The following TFEC variants were observed in gnomAD, a reference collection of about 807,000 sequenced individuals.
TFEC encodes transcription factor EC, also known as class E basic helix-loop-helix protein 34.
Under a neutral mutation model 41.6 loss-of-function variants are expected in TFEC, and 31 were observed. The observed-to-expected ratio is 0.74, with a 90% CI of 0.56 to 1.01. The LOEUF (loss-of-function observed/expected upper bound fraction) is 1.01. Among genes scored for constraint, TFEC ranks in the 50% least tolerant of loss-of-function variants. TFEC has a pLI of 0.00. For synonymous variants in TFEC, 143 were observed against 140.6 expected (o/e 1.02, Z -0.12); for missense variants, 402 against 404.1 (o/e 0.99, Z 0.04).
intron 3 of TFEC, among the ~76,000 whole-genome samples, chr7:116,055,305 T>C (rs549362066): frequency 6.6e-6 from 1 of 152,214 alleles, no homozygotes; most frequent in Admixed American, 6.5e-5. Flanking sequence ...TTGGAACCAA[T>C]ACTGTAAAAA....
chr7:116,036,994 A>T (rs1795926664), intron 3 of TFEC, among the ~76,000 whole-genome samples: 1 of 152,130 alleles, frequency 6.6e-6, no homozygotes, highest in Admixed American at 6.6e-5. Context: ...ATGCAGAAAC[A>T]AATGTTATTT....
intron 4 of TFEC, 100 bp downstream of exon 4, chr7:115,956,579 T>A (rs985211600): frequency 2.1e-5 from 13 of 620,606 alleles, no homozygotes; most frequent in Non-Finnish European, 2.9e-5. Context: ...TTGTAACTGT[T>A]TTGTTATACT....
At chr7:116,016,595 T>G (rs1173916143) in intron 1 of TFEC, among the ~76,000 whole-genome samples, 1 of 152,120 alleles carries the variant, frequency 6.6e-6, no homozygotes, top group African/African-American at 2.4e-5. Flanking sequence ...TAAAATACTA[T>G]GTACATGCTA....
upstream of TFEC, among the ~76,000 whole-genome samples, chr7:116,033,705 C>T (rs1795841458): frequency 6.6e-6 from 1 of 152,112 alleles, no homozygotes; most frequent in Admixed American, 6.6e-5. Context: ...CAATGCCCTC[C>T]TCTCACCTGT....
intron 1 of TFEC, among the ~76,000 whole-genome samples, chr7:116,010,267 A>G (rs1794951195): frequency 6.6e-6 from 1 of 152,198 alleles, no homozygotes; most frequent in Non-Finnish European, 1.5e-5. Flanking sequence ...ATTCAGATAA[A>G]TGCTGAAGAG....
At chr7:116,152,052 C>T (rs1798773300) in intron 1 of TFEC, among the ~76,000 whole-genome samples, 1 of 151,970 alleles carries the variant, frequency 6.6e-6, no homozygotes, top group Non-Finnish European at 1.5e-5. Flanking sequence ...CTCATCTCTC[C>T]AAGTACACCT....
At chr7:116,134,382 T>C (rs976034294) in intron 1 of TFEC, among the ~76,000 whole-genome samples, 57 of 152,254 alleles carry the variant, frequency 3.7e-4, no homozygotes, top group African/African-American at 1.3e-3. Flanking sequence ...ATACCATATA[T>C]TGCTGCTTCT....
chr7:116,088,236 A>G (rs1797244943), intron 3 of TFEC, among the ~76,000 whole-genome samples: 1 of 151,932 alleles, frequency 6.6e-6, no homozygotes, highest in Non-Finnish European at 1.5e-5. Context: ...ACCCATCCCC[A>G]CTCCTCGTTA....
At chr7:116,103,612 T>C (rs1298107904) in intron 3 of TFEC, among the ~76,000 whole-genome samples, 2 of 152,170 alleles carry the variant, frequency 1.3e-5, no homozygotes, top group Non-Finnish European at 2.9e-5. Context: ...TATTTCTGTT[T>C]TTGTCAATTA....
chr7:116,053,565 C>T (rs1334978320), intron 3 of TFEC, among the ~76,000 whole-genome samples: 2 of 152,178 alleles, frequency 1.3e-5, no homozygotes, highest in Admixed American at 6.5e-5. Context: ...GGGCAGAGCC[C>T]TCTTGGATTA....
At chr7:116,107,765 C>G (rs1329257351) in intron 3 of TFEC, among the ~76,000 whole-genome samples, 4 of 152,076 alleles carry the variant, frequency 2.6e-5, no homozygotes, top group African/African-American at 9.7e-5. Context: ...AAATAAGAAC[C>G]ACTAGGTCAT....
At chr7:116,108,539 A>G (rs1291704032) in intron 3 of TFEC, among the ~76,000 whole-genome samples, 1 of 152,142 alleles carries the variant, frequency 6.6e-6, no homozygotes, top group Non-Finnish European at 1.5e-5. Context: ...CAATAACTTG[A>G]TCAAAAGCAG....
At chr7:115,990,428 C>A (rs1562916925) in intron 1 of TFEC, among the ~76,000 whole-genome samples, 2 of 152,112 alleles carry the variant, frequency 1.3e-5, no homozygotes, top group Non-Finnish European at 2.9e-5. Flanking sequence ...TAATAACAAA[C>A]TTCCCTGAGC....
upstream of TFEC, among the ~76,000 whole-genome samples, chr7:116,034,193 T>C (rs916311074): frequency 6.6e-6 from 1 of 152,078 alleles, no homozygotes; most frequent in Non-Finnish European, 1.5e-5. Context: ...TATAGTGAAA[T>C]GTCCTAAGTC....
intron 3 of TFEC, among the ~76,000 whole-genome samples, chr7:116,108,447 AATTT>A (rs1235670996): frequency 6.6e-6 from 1 of 152,100 alleles, no homozygotes; most frequent in Non-Finnish European, 1.5e-5. Context: ...TCTTTCATCG[AATTT>A]ATTTATTTCC....
At chr7:115,972,028 T>G (rs774250263) in intron 3 of TFEC, among the ~76,000 whole-genome samples, 2 of 152,086 alleles carry the variant, frequency 1.3e-5, no homozygotes, top group African/African-American at 2.4e-5. Flanking sequence ...TTTGCTTTTA[T>G]CTACATAAAC....
At chr7:116,112,125 A>C in intron 1 of TFEC, 1 of 672,892 alleles carries the variant, frequency 1.5e-6, no homozygotes, top group Non-Finnish European at 1.8e-6. Context: ...ACATTATTAT[A>C]AGGCAAAAAC....
intron 3 of TFEC, among the ~76,000 whole-genome samples, chr7:116,047,527 C>T (rs557301455): frequency 3.3e-5 from 5 of 152,220 alleles, no homozygotes; most frequent in South Asian, 2.1e-4. Flanking sequence ...TGGAGCCCAC[C>T]GCAGCTCAAG....
intron 3 of TFEC, among the ~76,000 whole-genome samples, chr7:116,065,220 A>G (rs1048799290): frequency 1.3e-5 from 2 of 152,132 alleles, no homozygotes; most frequent in Admixed American, 6.6e-5. Context: ...CTAACAGTCA[A>G]CATGCCCCAG....
Sources: gnomAD v4.1 joint callset for allele counts (sites outside exome capture counted in the v4.1 genomes callset) on GRCh38, gnomAD v4.1.1 for gene constraint, MANE v1.5 for transcripts, NCBI Gene and HGNC (gene_info 2026-07-23, HGNC 2026-07-21) for gene names.